GADL1: variants seen among roughly 807,000 people sequenced by gnomAD.
The protein encoded by GADL1 is acidic amino acid decarboxylase GADL1.
A neutral mutation model predicts 69.5 loss-of-function variants in GADL1; 71 were observed. That is an observed-to-expected ratio of 1.02 (90% CI 0.84 to 1.25). GADL1 has a LOEUF of 1.25. Among genes scored for constraint, GADL1 ranks in the 50% most tolerant of loss-of-function variants. GADL1 has a pLI of 0.00. For synonymous variants in GADL1, 254 were observed against 214.4 expected (o/e 1.18, Z -1.62); for missense variants, 737 against 631.8 (o/e 1.17, Z -1.79).
At chr3:30,795,396 G>A (rs1014152156) in intron 12 of GADL1, among the ~76,000 whole-genome samples, 2 of 152,130 alleles carry the variant, frequency 1.3e-5, no homozygotes, top group African/African-American at 2.4e-5. Context: ...ACTTTGTAGT[G>A]GTTGAGAGTC....
At chr3:30,751,380 G>A (rs537476609) in intron 14 of GADL1, among the ~76,000 whole-genome samples, 3 of 151,776 alleles carry the variant, frequency 2.0e-5, no homozygotes, top group African/African-American at 4.8e-5. Context: ...AGTTGTCTTC[G>A]CTCAGTCTGT....
intron 1 of GADL1, 139 bp from the exon 2 acceptor site, chr3:30,861,904 C>G (rs1237215358): frequency 1.7e-6 from 1 of 599,444 alleles, no homozygotes; most frequent in Non-Finnish European, 2.9e-6. Context: ...AGGTGTTGAG[C>G]TGACAATTTC....
chr3:30,856,247 C>T (rs979323562), intron 3 of GADL1, among the ~76,000 whole-genome samples: 2 of 152,130 alleles, frequency 1.3e-5, no homozygotes, highest in Non-Finnish European at 2.9e-5. Flanking sequence ...AAAGTAATGC[C>T]TGTATGATCT....
chr3:30,804,877 A>G (rs1406766891), intron 11 of GADL1, among the ~76,000 whole-genome samples: 2 of 152,216 alleles, frequency 1.3e-5, no homozygotes, highest in Non-Finnish European at 2.9e-5. Flanking sequence ...TCTTATATGA[A>G]CCTTTTTGTG....
At chr3:30,763,307 G>A (rs1249604137) in intron 14 of GADL1, among the ~76,000 whole-genome samples, 1 of 152,006 alleles carries the variant, frequency 6.6e-6, no homozygotes, top group African/African-American at 2.4e-5. Context: ...GACCATCCTG[G>A]CTAACACGGT....
At chr3:30,848,584 CT>C (rs1698093642) in intron 6 of GADL1, among the ~76,000 whole-genome samples, 1 of 152,006 alleles carries the variant, frequency 6.6e-6, no homozygotes, top group African/African-American at 2.4e-5. Flanking sequence ...TAAACTCATT[CT>C]GCCAAGAACC....
At chr3:30,843,567 C>CT (rs1698005252) in intron 8 of GADL1, among the ~76,000 whole-genome samples, 1 of 152,168 alleles carries the variant, frequency 6.6e-6, no homozygotes, top group Non-Finnish European at 1.5e-5. Flanking sequence ...AATGACACCC[C>CT]TTTTTAAAAT....
At chr3:30,750,643 C>T (rs1695794346) in intron 14 of GADL1, among the ~76,000 whole-genome samples, 1 of 56,858 alleles carries the variant, frequency 1.8e-5, no homozygotes, top group South Asian at 6.3e-4. Flanking sequence ...CCTCTTGCAG[C>T]CACTTTTTTT....
intron 8 of GADL1, among the ~76,000 whole-genome samples, chr3:30,843,258 C>CT (rs71094001): frequency 0.17 from 23,593 of 139,058 alleles, 2,125 homozygotes; most frequent in South Asian, 0.23. Context: ...AATGATACAC[C>CT]TTTTTTTTTT....
chr3:30,890,021 C>A (rs1334836734), intron 1 of GADL1, among the ~76,000 whole-genome samples: 1 of 152,158 alleles, frequency 6.6e-6, no homozygotes, highest in African/African-American at 2.4e-5. Flanking sequence ...GAAATGCATT[C>A]ACATAGTATT....
intron 14 of GADL1, among the ~76,000 whole-genome samples, chr3:30,729,192 C>T (rs990407893): frequency 6.6e-6 from 1 of 152,070 alleles, no homozygotes; most frequent in Non-Finnish European, 1.5e-5. Flanking sequence ...AGAAACTAGT[C>T]TAATTTAAGA....
intron 2 of GADL1, among the ~76,000 whole-genome samples, chr3:30,858,694 A>G (rs1284044184): frequency 6.6e-6 from 1 of 151,938 alleles, no homozygotes. Context: ...CACCTTCAGA[A>G]TATCCAAAAG....
At position 30,727,848 on chromosome 3, in the gene GADL1, C is replaced by A. The variant is rs1695392768; in HGVS notation, c.*394G>T. The stretch of plus-strand genomic sequence containing the variant: ...TGAGAATCTGCATTTTTAGCAAGTT[C>A]CCAGGTGATGCTTTGATGCTGATAG... On this transcript the variant is annotated 3_prime_UTR_variant, in exon 15 of 15. Coordinates refer to ENST00000282538, the MANE Select transcript of GADL1 (RefSeq NM_207359.3). 6.5e-6 allele frequency: 1 copy of A among 153,840 alleles called. No individual in the cohort carries two copies. Among genetic ancestry groups the A allele is most frequent in the South Asian group, 2.0e-4 (1 of 4,890 alleles). 9.5% of individuals were successfully genotyped at this position (153,840 alleles called of 1,614,324 possible).
At position 30,727,588 on chromosome 3, in the gene GADL1, G is replaced by A. The variant is rs940824055; in HGVS notation, c.*654C>T. On this transcript the variant is annotated 3_prime_UTR_variant, in exon 15 of 15. Coordinates refer to ENST00000282538, the MANE Select transcript of GADL1 (RefSeq NM_207359.3). ...ATGCTTCTGATGTCCTTAAATATTT[G>A]TGCTGCAGATGCCATAGTTGTATTT... 7.9e-5 allele frequency: 12 copies of A among 152,096 alleles called. No homozygotes were observed. Among genetic ancestry groups the A allele is most frequent in the Admixed American group, 7.9e-4 (12 of 15,268 alleles). The allele number at this position is 152,096 out of a possible 1,614,324, so 9.4% of individuals were successfully genotyped here. A position where few individuals can be genotyped will look rare whatever the true frequency, so the allele number is the denominator to read the frequency against.
intron 1 of GADL1, among the ~76,000 whole-genome samples, chr3:30,872,116 T>A (rs1305857191): frequency 6.6e-6 from 1 of 151,944 alleles, no homozygotes; most frequent in East Asian, 1.9e-4. Flanking sequence ...TCTAAATCTT[T>A]TGAACTTCTA....
chr3:30,891,194 A>T (rs1345522584), intron 1 of GADL1, among the ~76,000 whole-genome samples: 1 of 152,106 alleles, frequency 6.6e-6, no homozygotes, highest in Non-Finnish European at 1.5e-5. Flanking sequence ...GGGCTGTTAT[A>T]GAGAGTTCAT....
chr3:30,822,226 C>T (rs185725257), intron 11 of GADL1, among the ~76,000 whole-genome samples: 6 of 152,176 alleles, frequency 3.9e-5, no homozygotes, highest in Admixed American at 3.9e-4. Flanking sequence ...ACAGGTTTAG[C>T]TTCCCATGTT....
chr3:30,883,980 A>G (rs1698674380), intron 1 of GADL1, among the ~76,000 whole-genome samples: 1 of 152,044 alleles, frequency 6.6e-6, no homozygotes, highest in African/African-American at 2.4e-5. Context: ...GACAACTGGT[A>G]TCCCACTTGT....
At chr3:30,865,255 C>T (rs1164083935) in intron 1 of GADL1, among the ~76,000 whole-genome samples, 1 of 150,658 alleles carries the variant, frequency 6.6e-6, no homozygotes, top group South Asian at 2.1e-4. Flanking sequence ...GCAGTGACTA[C>T]CATGGGATAT....
Sources: allele counts gnomAD v4.1 joint callset (sites outside exome capture counted in the v4.1 genomes callset), GRCh38; gene constraint gnomAD v4.1.1; transcripts MANE v1.5; gene names NCBI Gene and HGNC (gene_info 2026-07-23, HGNC 2026-07-21).